Variants in EPB41L3 observed in about 807,000 individuals in gnomAD.
The protein encoded by EPB41L3 is band 4.1-like protein 3.
A neutral mutation model predicts 127.1 loss-of-function variants in EPB41L3; 57 were observed. That is an observed-to-expected ratio of 0.45 (90% CI 0.36 to 0.56). EPB41L3 has a LOEUF of 0.56. Ranked by LOEUF, EPB41L3 falls within the 20% of genes least tolerant of loss-of-function variation. The pLI, the probability that EPB41L3 is intolerant of heterozygous loss-of-function variation, is 0.00. For synonymous variants in EPB41L3, 572 were observed against 549.5 expected, an observed-to-expected ratio of 1.04 and a Z score of -0.57; for missense variants, 1,273 against 1,372.2, an observed-to-expected ratio of 0.93 and a Z score of 1.14.
chr18:5,570,367 G>A (rs1330087299), intron 3 of EPB41L3: 1 of 152,072 alleles, frequency 6.6e-6, no homozygotes, highest in Non-Finnish European at 1.5e-5. Flanking sequence ...CCTGGAATAT[G>A]GCATTTTGCA....
At position 5,532,906 on chromosome 18, in the gene EPB41L3, C is replaced by A. The variant is rs144656545; in HGVS notation, c.-12+11007G>T. Among the ~76,000 whole-genome samples the A allele has an allele frequency of 7.9e-5, 12 of 152,034 alleles. No homozygotes were observed. The East Asian group carries it at 2.3e-3, about 29-fold the overall frequency. On this transcript the variant is annotated intron_variant, in intron 1 of 22. Transcript: ENST00000341928. ...ACAAGGAGATCAAGCTGGAATCCAA[C>A]TCTTAAATAAGAGCATGGAGAAATA...
chr18:5,540,297 C>T, intron 1 of EPB41L3: 1 of 951,962 alleles, frequency 1.1e-6, no homozygotes, highest in Non-Finnish European at 1.3e-6. Flanking sequence ...TTTTCCCATG[C>T]AGTCTTATAT....
chr18:5,416,417 ACAG>A, intron 12 of EPB41L3, 39 bp from the exon 13 acceptor site: 2 of 1,558,138 alleles, frequency 1.3e-6, no homozygotes. Context: ...AAAGCAGCAA[ACAG>A]AGGTGCAAAA....
At chr18:5,445,378 T>C (rs2081326920) in intron 3 of EPB41L3, 134 bp from the exon 4 acceptor site, 1 of 693,676 alleles carries the variant, frequency 1.4e-6, no homozygotes, top group African/African-American at 1.8e-5. Flanking sequence ...TGTGATCACA[T>C]TGCCATCTCC....
chr18:5,618,758 T>A (rs1479756472), intron 1 of EPB41L3, among the ~76,000 whole-genome samples: 1 of 152,148 alleles, frequency 6.6e-6, no homozygotes, highest in Non-Finnish European at 1.5e-5. Flanking sequence ...GACAAATTCA[T>A]CTTGTCTCTA....
chr18:5,450,993 T>C (rs1599100479), intron 3 of EPB41L3, among the ~76,000 whole-genome samples: 1 of 152,202 alleles, frequency 6.6e-6, no homozygotes, highest in East Asian at 1.9e-4. Context: ...TGATTTTTTT[T>C]TTACATGTGT....
At position 5,541,017 on chromosome 18, in the gene EPB41L3, G is replaced by A. The variant is rs1376174795; in HGVS notation, c.-12+2896C>T. Among the ~76,000 whole-genome samples, 6 of 149,300 alleles carry A rather than the reference G, an allele frequency of 4.0e-5. No homozygotes were observed. In the East Asian group the frequency reaches 1.2e-3, roughly 30 times the overall value. On this transcript the variant is annotated intron_variant, in intron 1 of 22. Coordinates refer to ENST00000341928, the MANE Select transcript of EPB41L3 (RefSeq NM_012307.5). ...GGAGAATGGCGTGAACCCGGGAGGC[G>A]GAGCTTGCAGTGAGCCGAGATCGCA... is the stretch of plus-strand genomic sequence containing the variant.
intron 13 of EPB41L3, among the ~76,000 whole-genome samples, chr18:5,412,669 G>C (rs1376625755): frequency 6.6e-6 from 1 of 152,106 alleles, no homozygotes; most frequent in Non-Finnish European, 1.5e-5. Flanking sequence ...AGCATTAGGG[G>C]ACAGTGGTCG....
chr18:5,397,936 C>G lies in EPB41L3; in HGVS notation c.2472+85G>C. ...TGTTGAAGGCAAAGCCAGCTGGATG[C>G]AACCACACACTCACGCCCAAAAAAA... On this transcript the variant is annotated intron_variant, in intron 17 of 22. Coordinates refer to ENST00000341928, the MANE Select transcript of EPB41L3 (RefSeq NM_012307.5). The surrounding 1 kb of genome is among the most constrained non-coding windows in gnomAD (Gnocchi z 4.1). 6.5e-7 allele frequency: 1 copy of G among 1,546,110 alleles called. No individual in the cohort carries two copies. Among genetic ancestry groups the G allele is most frequent in the Non-Finnish European group, 8.9e-7 (1 of 1,129,442 alleles).
chr18:5,407,659 G>T (rs746117256), intron 15 of EPB41L3, 42 bp downstream of exon 15: 12 of 1,599,340 alleles, frequency 7.5e-6, no homozygotes, highest in Non-Finnish European at 1.0e-5. Flanking sequence ...ACACACTGTT[G>T]TTTTGTTGTT....
chr18:5,493,230 C>G (rs1160127974), intron 1 of EPB41L3, among the ~76,000 whole-genome samples: 3 of 152,144 alleles, frequency 2.0e-5, no homozygotes, highest in Non-Finnish European at 2.9e-5. Context: ...TGAAAAGACA[C>G]AAACTAAAGA....
chr18:5,559,619 C>T (rs903423291), intron 3 of EPB41L3, among the ~76,000 whole-genome samples: 40 of 152,188 alleles, frequency 2.6e-4, no homozygotes, highest in Non-Finnish European at 5.1e-4. Context: ...CTTCTGAGTT[C>T]CGAATAATCA....
chr18:5,444,022 T>C, intron 4 of EPB41L3, 142 bp from the exon 5 acceptor site: 1 of 658,300 alleles, frequency 1.5e-6, no homozygotes. Flanking sequence ...TTCCCCCACA[T>C]CTGGTGCCCC....
chr18:5,614,753 G>A (rs1437762719), intron 1 of EPB41L3, among the ~76,000 whole-genome samples: 3 of 152,128 alleles, frequency 2.0e-5, no homozygotes, highest in East Asian at 1.9e-4. Flanking sequence ...CTATGATTAC[G>A]AAATGTGTGA....
intron 1 of EPB41L3, among the ~76,000 whole-genome samples, chr18:5,494,572 G>A (rs571620957): frequency 7.9e-5 from 12 of 152,138 alleles, no homozygotes; most frequent in East Asian, 1.9e-4. Flanking sequence ...CAGGAGAATC[G>A]CTTGAACCGG....
At chr18:5,480,359 T>C (rs1230194633) in intron 2 of EPB41L3, among the ~76,000 whole-genome samples, 1 of 152,252 alleles carries the variant, frequency 6.6e-6, no homozygotes, top group African/African-American at 2.4e-5. Context: ...TGCGTTCTAA[T>C]TTTAAATATC....
intron 2 of EPB41L3, among the ~76,000 whole-genome samples, chr18:5,486,702 T>C (rs866181306): frequency 2.6e-5 from 4 of 152,210 alleles, no homozygotes; most frequent in Admixed American, 6.5e-5. Flanking sequence ...GACACACAAA[T>C]GGCCAACAGG....
chr18:5,447,776 C>G (rs1243775511), intron 3 of EPB41L3, among the ~76,000 whole-genome samples: 1 of 152,146 alleles, frequency 6.6e-6, no homozygotes, highest in Non-Finnish European at 1.5e-5. Context: ...GTTAATGCTA[C>G]CTGGCTCTCA....
chr18:5,415,788 G>C (rs771320784), intron 13 of EPB41L3, 30 bp downstream of exon 13: 5 of 1,591,412 alleles, frequency 3.1e-6, no homozygotes, highest in Admixed American at 3.4e-5. Context: ...GAACACGAAG[G>C]GGAAGCGTGT....
Sources: gnomAD v4.1 joint callset for allele counts (sites outside exome capture counted in the v4.1 genomes callset) on GRCh38, gnomAD v4.1.1 for gene constraint, Gnocchi (gnomAD v3.1) non-coding constraint, MANE v1.5 for transcripts, NCBI Gene and HGNC (gene_info 2026-07-23, HGNC 2026-07-21) for gene names.